The following CADM2 variants were observed in gnomAD, a reference collection of about 807,000 sequenced individuals.
CADM2 encodes cell adhesion molecule 2.
Under a neutral mutation model 49.8 loss-of-function variants are expected in CADM2, and 12 were observed. The ratio of observed to expected loss-of-function variants is 0.24; its 90% CI spans 0.15 to 0.39. The LOEUF (loss-of-function observed/expected upper bound fraction) is 0.39. Ranked by LOEUF, CADM2 falls within the 10% of genes least tolerant of loss-of-function variation. CADM2 has a pLI of 1.00. For synonymous variants in CADM2, 214 were observed against 175.4 expected (o/e 1.22, Z -1.74); for missense variants, 378 against 492.3 (o/e 0.77, Z 2.20).
intron 1 of CADM2, among the ~76,000 whole-genome samples, chr3:85,339,252 A>C (rs1408443087): frequency 6.6e-6 from 1 of 151,514 alleles, no homozygotes; most frequent in African/African-American, 2.4e-5. Flanking sequence ...AAAGTACTGC[A>C]GGTAAATTAT....
intron 1 of CADM2, among the ~76,000 whole-genome samples, chr3:85,387,223 T>C (rs1043194220): frequency 1.3e-5 from 2 of 152,216 alleles, no homozygotes; most frequent in Non-Finnish European, 2.9e-5. Flanking sequence ...AAAGTAATTT[T>C]TCCCCCTAAA....
chr3:84,972,385 G>A (rs1311863089), intron 1 of CADM2, among the ~76,000 whole-genome samples: 2 of 152,136 alleles, frequency 1.3e-5, no homozygotes, highest in Non-Finnish European at 2.9e-5. Context: ...ATTGTTTAGT[G>A]CTTAAGGATT....
At chr3:85,374,614 A>G (rs2033476683) in intron 1 of CADM2, among the ~76,000 whole-genome samples, 1 of 152,192 alleles carries the variant, frequency 6.6e-6, no homozygotes, top group African/African-American at 2.4e-5. Context: ...AGACTGGGTA[A>G]TCTATAAAGT....
chr3:85,018,269 A>C (rs1314104204), intron 1 of CADM2, among the ~76,000 whole-genome samples: 1 of 152,248 alleles, frequency 6.6e-6, no homozygotes. Flanking sequence ...AAATGAAAAC[A>C]AAACCCCTCT....
At position 85,160,421 on chromosome 3, in the gene CADM2, A is replaced by G. The variant is rs541183126; in HGVS notation, c.61+200753A>G. ...TTGGAAATAGCTCTTAACTTTTCCC[A>G]CTGGTTTATAAAGTGCACAGGAACG... On this transcript the variant is annotated intron_variant, in intron 1 of 9. Coordinates refer to ENST00000383699, the MANE Select transcript of CADM2 (RefSeq NM_001167675.2). Among the ~76,000 whole-genome samples, 9 of 152,302 alleles carry G rather than the reference A, an allele frequency of 5.9e-5. No individual in the cohort carries two copies. In the South Asian group the frequency reaches 1.2e-3, roughly 21 times the overall value.
chr3:85,854,031 G>GT (rs2075209919), intron 3 of CADM2, among the ~76,000 whole-genome samples: 1 of 152,130 alleles, frequency 6.6e-6, no homozygotes, highest in Admixed American at 6.5e-5. Context: ...AGATGCATAC[G>GT]TGGTCAGCTG....
At chr3:85,314,090 G>A (rs909347824) in intron 1 of CADM2, among the ~76,000 whole-genome samples, 8 of 152,052 alleles carry the variant, frequency 5.3e-5, no homozygotes, top group Admixed American at 3.3e-4. Flanking sequence ...GAGTTTCACC[G>A]TGTTAGCCAG....
intron 3 of CADM2, among the ~76,000 whole-genome samples, chr3:85,816,593 A>C (rs1265313697): frequency 6.6e-6 from 1 of 152,190 alleles, no homozygotes; most frequent in Non-Finnish European, 1.5e-5. Flanking sequence ...GTACAAAATG[A>C]ATGAGAAACC....
At position 86,068,679 on chromosome 3, in the gene CADM2, T is replaced by C. The variant is rs1559837837; in HGVS notation, c.*1896T>C. 6.6e-6 allele frequency: 1 copy of C among 152,376 alleles called. No homozygotes were observed. The highest frequency in any genetic ancestry group is 1.5e-5 in the Non-Finnish European group (1 of 67,858). The allele number at this position is 152,376 out of a possible 1,614,324, so 9.4% of individuals were successfully genotyped here. On this transcript the variant is annotated 3_prime_UTR_variant, in exon 10 of 10. Transcript: ENST00000383699. ...TTGAAGCATTTATCTTGTTGATTTC[T>C]TACAAAAGAAAAAGGACGATGTCAG...
intron 1 of CADM2, among the ~76,000 whole-genome samples, chr3:85,394,837 A>G (rs1442140623): frequency 6.6e-6 from 1 of 152,184 alleles, no homozygotes; most frequent in African/African-American, 2.4e-5. Context: ...TTTCTGCTTT[A>G]AAGATGCTTA....
At chr3:85,122,151 C>A (rs2038886729) in intron 1 of CADM2, among the ~76,000 whole-genome samples, 2 of 151,974 alleles carry the variant, frequency 1.3e-5, no homozygotes, top group Non-Finnish European at 2.9e-5. Flanking sequence ...TTTTTCATTC[C>A]CAAGCTCCTC....
intron 1 of CADM2, among the ~76,000 whole-genome samples, chr3:85,680,899 G>C (rs2066023482): frequency 6.6e-6 from 1 of 152,126 alleles, no homozygotes; most frequent in Admixed American, 6.6e-5. Flanking sequence ...GTTCCTGATA[G>C]AGAACTGTGT....
intron 1 of CADM2, among the ~76,000 whole-genome samples, chr3:85,072,361 C>T (rs2036782728): frequency 6.6e-6 from 1 of 151,984 alleles, no homozygotes; most frequent in Non-Finnish European, 1.5e-5. Flanking sequence ...TTTTAACATC[C>T]AGTCTCCTAT....
intron 1 of CADM2, among the ~76,000 whole-genome samples, chr3:85,048,570 C>T (rs528874873): frequency 6.6e-6 from 1 of 152,062 alleles, no homozygotes; most frequent in South Asian, 2.1e-4. Flanking sequence ...CCTAGGTACC[C>T]TTAGGACTTA....
intron 1 of CADM2, among the ~76,000 whole-genome samples, chr3:85,019,478 G>C (rs545450593): frequency 4.6e-5 from 7 of 152,094 alleles, no homozygotes; most frequent in Non-Finnish European, 8.8e-5. Context: ...GTGAGATCCT[G>C]TATGAAAAAA....
intron 1 of CADM2, among the ~76,000 whole-genome samples, chr3:85,489,688 A>C (rs2039581473): frequency 6.9e-6 from 1 of 144,482 alleles, no homozygotes; most frequent in African/African-American, 2.4e-5. Flanking sequence ...AACGAAACAA[A>C]AAAAAAACAA....
intron 1 of CADM2, among the ~76,000 whole-genome samples, chr3:85,201,424 G>C (rs537201029): frequency 6.6e-6 from 1 of 152,272 alleles, no homozygotes; most frequent in Non-Finnish European, 1.5e-5. Context: ...ACTTTATCAA[G>C]TTATAATATT....
chr3:85,262,039 C>T (rs2043023742), intron 1 of CADM2, among the ~76,000 whole-genome samples: 1 of 152,048 alleles, frequency 6.6e-6, no homozygotes, highest in African/African-American at 2.4e-5. Flanking sequence ...CACCTTTTCT[C>T]CATTTACATC....
At chr3:85,326,933 G>C (rs1379943177) in intron 1 of CADM2, among the ~76,000 whole-genome samples, 1 of 151,286 alleles carries the variant, frequency 6.6e-6, no homozygotes, top group South Asian at 2.1e-4. Flanking sequence ...GTTTTTCAGA[G>C]AAAGATTAGA....
Sources: allele counts gnomAD v4.1 joint callset (sites outside exome capture counted in the v4.1 genomes callset), GRCh38; gene constraint gnomAD v4.1.1; transcripts MANE v1.5; gene names NCBI Gene and HGNC (gene_info 2026-07-23, HGNC 2026-07-21).